Variants in CNTN5 observed in about 807,000 individuals in gnomAD.
CNTN5 encodes contactin 5.
In CNTN5, 77 loss-of-function variants were observed where a neutral mutation model predicts 129.1. That is an observed-to-expected ratio of 0.60 (90% confidence interval 0.50 to 0.72). The LOEUF is 0.72. CNTN5 is among the 30% of genes least tolerant of loss of function. CNTN5 has a pLI of 0.00. For synonymous variants in CNTN5, 509 were observed against 465.6 expected (o/e 1.09, Z -1.20); for missense variants, 1,478 against 1,328.8 (o/e 1.11, Z -1.75).
At chr11:99,703,794 A>G (rs571024137) in intron 3 of CNTN5, among the ~76,000 whole-genome samples, 1 of 150,992 alleles carries the variant, frequency 6.6e-6, no homozygotes, top group Non-Finnish European at 1.5e-5. Context: ...GATATATAGC[A>G]TTTGAGTAAC....
chr11:99,069,523 G>A, intron 1 of CNTN5, among the ~76,000 whole-genome samples: 1 of 152,036 alleles, frequency 6.6e-6, no homozygotes, highest in Non-Finnish European at 1.5e-5. Context: ...CTCTGTTATG[G>A]CGAATGCATT....
Position 99,845,149 on chromosome 11 carries a change from G to T in CNTN5, c.464G>T (p.Gly155Val). Residue 155 changes from glycine to valine, a missense_variant, in exon 6 of 25, where the codon GGC (glycine) becomes GTC (valine). By Grantham distance (109) the Gly-to-Val change is moderately radical (BLOSUM62 -3). Coordinates refer to ENST00000524871, the MANE Select transcript of CNTN5 (RefSeq NM_014361.4). ...GATTATCGCTACAGTTTGATAGATG[G>T]CACCTTCATTATAAGCAATCCAAGT... ...ESDYRYSLID[G>V]TFIISNPSEA... 6.2e-7 allele frequency: 1 copy of T among 1,613,726 alleles called. No individual in the cohort carries two copies. Among genetic ancestry groups the T allele is most frequent in the Non-Finnish European group, 8.5e-7 (1 of 1,179,828 alleles).
rs575806031 is a variant in CNTN5 at position 99,452,845 on chromosome 11, A to G, written c.-70-103300A>G. Among the ~76,000 whole-genome samples, 24 of 152,328 alleles carry G rather than the reference A, an allele frequency of 1.6e-4. No homozygotes were observed. The East Asian group carries it at 4.4e-3, about 28-fold the overall frequency. ...GTCAAAATCTTAAATTATCAGGTAC[A>G]TACTTTATGCCAGGTAGCATAGCTA... On this transcript the variant is annotated intron_variant, in intron 2 of 24. Coordinates refer to ENST00000524871, the MANE Select transcript of CNTN5 (RefSeq NM_014361.4).
At chr11:100,056,928 A>G (rs1943255178) in intron 9 of CNTN5, among the ~76,000 whole-genome samples, 2 of 151,760 alleles carry the variant, frequency 1.3e-5, no homozygotes, top group East Asian at 3.8e-4. Context: ...ATAAAAACTA[A>G]TTTTTAAACT....
chr11:99,389,152 C>T (rs1941101162), intron 2 of CNTN5, among the ~76,000 whole-genome samples: 1 of 152,120 alleles, frequency 6.6e-6, no homozygotes, highest in East Asian at 1.9e-4. Context: ...CCCCCAGCCT[C>T]CCAAGTAGCT....
intron 3 of CNTN5, among the ~76,000 whole-genome samples, chr11:99,812,930 C>A (rs59079165): frequency 0.07 from 10,520 of 151,148 alleles, 557 homozygotes; most frequent in African/African-American, 0.15. Context: ...TATTATAGTT[C>A]TTGGTTTTAT....
intron 21 of CNTN5, among the ~76,000 whole-genome samples, chr11:100,329,882 C>T (rs1565432415): frequency 6.6e-6 from 1 of 152,048 alleles, no homozygotes; most frequent in African/African-American, 2.4e-5. Flanking sequence ...GAGAAAGACC[C>T]GGAAAAAACA....
chr11:100,230,290 A>T (rs187727947), intron 16 of CNTN5, among the ~76,000 whole-genome samples: 1 of 152,150 alleles, frequency 6.6e-6, no homozygotes, highest in African/African-American at 2.4e-5. Flanking sequence ...TATTATTGCT[A>T]TTATTGTATG....
chr11:99,641,393 CTG>C (rs1363038534), intron 3 of CNTN5, among the ~76,000 whole-genome samples: 1 of 128,906 alleles, frequency 7.8e-6, no homozygotes, highest in Non-Finnish European at 1.7e-5. Context: ...AGTTACTAAA[CTG>C]TGAATTGGTT....
intron 3 of CNTN5, among the ~76,000 whole-genome samples, chr11:99,571,533 A>G (rs1474764187): frequency 2.6e-5 from 4 of 152,220 alleles, no homozygotes; most frequent in Admixed American, 6.5e-5. Context: ...GAATGACTAG[A>G]ATGAGAACTG....
chr11:99,810,813 A>G (rs558934467), intron 3 of CNTN5, among the ~76,000 whole-genome samples: 1 of 152,174 alleles, frequency 6.6e-6, no homozygotes, highest in East Asian at 1.9e-4. Context: ...CAGGTATCAG[A>G]TTTCTTTATG....
chr11:100,055,424 G>A (rs1943176674), intron 9 of CNTN5, among the ~76,000 whole-genome samples: 2 of 151,018 alleles, frequency 1.3e-5, no homozygotes, highest in South Asian at 2.1e-4. Context: ...CTTTCTTTCT[G>A]GAGTCATTAT....
chr11:99,631,679 A>C (rs2135803940), intron 3 of CNTN5, among the ~76,000 whole-genome samples: 1 of 150,888 alleles, frequency 6.6e-6, no homozygotes, highest in African/African-American at 2.4e-5. Flanking sequence ...AAGCTGACTA[A>C]TTGGTATTGT....
At chr11:99,367,293 A>G (rs1224346795) in intron 2 of CNTN5, among the ~76,000 whole-genome samples, 3 of 152,140 alleles carry the variant, frequency 2.0e-5, no homozygotes, top group East Asian at 3.9e-4. Flanking sequence ...ACTGTACTAA[A>G]TTGGAAAATT....
intron 3 of CNTN5, among the ~76,000 whole-genome samples, chr11:99,675,817 G>T (rs2135959355): frequency 6.6e-6 from 1 of 152,244 alleles, no homozygotes. Flanking sequence ...ACTAAATTGT[G>T]ACTCTGTCAA....
chr11:99,062,074 T>C (rs1435408807), intron 1 of CNTN5, among the ~76,000 whole-genome samples: 1 of 151,952 alleles, frequency 6.6e-6, no homozygotes, highest in Non-Finnish European at 1.5e-5. Flanking sequence ...TTGGGCTCAG[T>C]TGGAGAACTT....
At chr11:99,777,571 A>G (rs1047427403) in intron 3 of CNTN5, among the ~76,000 whole-genome samples, 2 of 151,852 alleles carry the variant, frequency 1.3e-5, no homozygotes, top group Non-Finnish European at 2.9e-5. Flanking sequence ...TATAAGGTCA[A>G]TCAAAAAGTG....
At chr11:99,867,501 C>A (rs180918551) in intron 6 of CNTN5, among the ~76,000 whole-genome samples, 2 of 152,252 alleles carry the variant, frequency 1.3e-5, no homozygotes, top group Admixed American at 1.3e-4. Flanking sequence ...ATTATGGAGG[C>A]TCCAGGAGAA....
chr11:100,023,996 T>C lies in CNTN5; in HGVS notation c.980+21860T>C, dbSNP rs79231689. ...CCATGTGCATGGTTTTGTGTCGATA[T>C]AAGTTTTCAACTCCTTTTGTTATAT... On this transcript the variant is annotated intron_variant, in intron 9 of 24. Transcript: ENST00000524871. Among the ~76,000 whole-genome samples, 238 of 152,324 alleles carry C rather than the reference T, an allele frequency of 1.6e-3. 1 individual carries two copies. Among genetic ancestry groups the C allele is most frequent in the Non-Finnish European group, 2.9e-3 (195 of 68,030 alleles).
Sources: gnomAD v4.1 joint callset for allele counts (sites outside exome capture counted in the v4.1 genomes callset) on GRCh38, gnomAD v4.1.1 for gene constraint, MANE v1.5 for transcripts, NCBI Gene and HGNC (gene_info 2026-07-23, HGNC 2026-07-21) for gene names.